The following CFAP299 variants were observed in gnomAD, a reference collection of about 807,000 sequenced individuals.
The protein encoded by CFAP299 is cilia- and flagella-associated protein 299.
In CFAP299, 21 loss-of-function variants were observed where a neutral mutation model predicts 27.0. That is an observed-to-expected ratio of 0.78 (90% CI 0.55 to 1.12). The LOEUF (loss-of-function observed/expected upper bound fraction) is 1.12. Ranked by LOEUF, CFAP299 falls within the 50% of genes most tolerant of loss-of-function variation. CFAP299 has a pLI of 0.00. For missense variants in CFAP299, 310 were observed against 276.6 expected, an observed-to-expected ratio of 1.12 and a Z score of -0.86; for synonymous variants, 104 against 98.1, an observed-to-expected ratio of 1.06 and a Z score of -0.36.
At chr4:80,801,041 G>A (rs1203869779) in intron 3 of CFAP299, among the ~76,000 whole-genome samples, 2 of 151,622 alleles carry the variant, frequency 1.3e-5, no homozygotes, top group African/African-American at 4.8e-5. Flanking sequence ...TGCCCACCCA[G>A]ATTAAGGGTG....
chr4:80,588,913 G>A (rs1198616361), intron 3 of CFAP299, among the ~76,000 whole-genome samples: 1 of 152,046 alleles, frequency 6.6e-6, no homozygotes, highest in Non-Finnish European at 1.5e-5. Flanking sequence ...GAATTTTGAG[G>A]CACGAAGAGG....
At chr4:80,535,595 G>A (rs1383101042) in intron 2 of CFAP299, among the ~76,000 whole-genome samples, 3 of 150,756 alleles carry the variant, frequency 2.0e-5, no homozygotes, top group Non-Finnish European at 4.4e-5. Flanking sequence ...ATTGGTGAAC[G>A]TTTAGTGGAG....
At chr4:80,590,085 A>T (rs1736647602) in intron 3 of CFAP299, among the ~76,000 whole-genome samples, 1 of 152,118 alleles carries the variant, frequency 6.6e-6, no homozygotes, top group Non-Finnish European at 1.5e-5. Flanking sequence ...TTACAATGGG[A>T]TATTATACAG....
chr4:80,426,078 TGACCACCAAAGACAGCCTAATA>T (rs1199771691), intron 2 of CFAP299, among the ~76,000 whole-genome samples: 1 of 151,734 alleles, frequency 6.6e-6, no homozygotes, highest in Non-Finnish European at 1.5e-5. Flanking sequence ...TTAATAAAAT[TGACCACCAAAGACAGCCTAATA>T]GAGTTACCAG....
chr4:80,423,532 T>A (rs573297263), intron 2 of CFAP299, among the ~76,000 whole-genome samples: 1 of 152,292 alleles, frequency 6.6e-6, no homozygotes, highest in Admixed American at 6.5e-5. Context: ...CTCAACTGTG[T>A]GGGCTCCAGA....
intron 4 of CFAP299, among the ~76,000 whole-genome samples, chr4:80,931,822 G>A (rs904055203): frequency 1.3e-5 from 2 of 152,058 alleles, no homozygotes; most frequent in Non-Finnish European, 2.9e-5. Flanking sequence ...CACACATAGT[G>A]AAGTAAGCCA....
intron 2 of CFAP299, among the ~76,000 whole-genome samples, chr4:80,545,123 A>G (rs946774107): frequency 6.6e-6 from 1 of 152,224 alleles, no homozygotes; most frequent in Non-Finnish European, 1.5e-5. Context: ...TAAGAAAATT[A>G]ACACAGAAAT....
At chr4:80,854,943 A>G (rs1731757753) in intron 3 of CFAP299, among the ~76,000 whole-genome samples, 1 of 152,024 alleles carries the variant, frequency 6.6e-6, no homozygotes, top group Admixed American at 6.6e-5. Context: ...TTCTGATGCT[A>G]CACTGTGGAA....
intron 4 of CFAP299, among the ~76,000 whole-genome samples, chr4:80,904,525 A>G (rs1050821716): frequency 6.7e-6 from 1 of 149,848 alleles, no homozygotes; most frequent in Non-Finnish European, 1.5e-5. Flanking sequence ...TTTCCTCTTT[A>G]TTTTTTTTTC....
chr4:80,418,026 G>A (rs1489106024), intron 2 of CFAP299, among the ~76,000 whole-genome samples: 1 of 152,118 alleles, frequency 6.6e-6, no homozygotes, highest in East Asian at 1.9e-4. Flanking sequence ...TATATTATTT[G>A]TAAATCACAC....
intron 3 of CFAP299, among the ~76,000 whole-genome samples, chr4:80,642,131 T>C (rs576726578): frequency 6.6e-6 from 1 of 152,320 alleles, no homozygotes; most frequent in Admixed American, 6.5e-5. Flanking sequence ...CATTTATCAA[T>C]TGCAAAATAC....
intron 2 of CFAP299, among the ~76,000 whole-genome samples, chr4:80,421,569 A>G (rs2110070172): frequency 6.6e-6 from 1 of 152,344 alleles, no homozygotes; most frequent in Non-Finnish European, 1.5e-5. Flanking sequence ...TTACTTAGTT[A>G]AAATGTTTAC....
chr4:80,406,542 T>C (rs1726431637), intron 2 of CFAP299, among the ~76,000 whole-genome samples: 1 of 152,096 alleles, frequency 6.6e-6, no homozygotes, highest in African/African-American at 2.4e-5. Context: ...TTTTGTTTAC[T>C]TTTTTTAGAG....
intron 2 of CFAP299, among the ~76,000 whole-genome samples, chr4:80,493,291 C>T (rs886714469): frequency 5.9e-5 from 9 of 152,102 alleles, no homozygotes; most frequent in Non-Finnish European, 8.8e-5. Context: ...GCACACTCAC[C>T]GATGGTGGGT....
intron 3 of CFAP299, among the ~76,000 whole-genome samples, chr4:80,652,141 G>C (rs1240223683): frequency 6.6e-6 from 1 of 152,038 alleles, no homozygotes; most frequent in Non-Finnish European, 1.5e-5. Flanking sequence ...TTTTGCATTA[G>C]ATGTGACACT....
At chr4:80,798,801 T>G (rs1180827295) in intron 3 of CFAP299, among the ~76,000 whole-genome samples, 2 of 152,002 alleles carry the variant, frequency 1.3e-5, no homozygotes, top group Non-Finnish European at 2.9e-5. Flanking sequence ...ACGTTTTATG[T>G]ATAGAGTCAC....
intron 4 of CFAP299, among the ~76,000 whole-genome samples, chr4:80,884,048 T>C (rs1263823014): frequency 6.6e-6 from 1 of 152,186 alleles, no homozygotes; most frequent in Non-Finnish European, 1.5e-5. Flanking sequence ...CACTGGTGTG[T>C]GGTGTTCCCT....
chr4:80,721,442 C>A (rs540328297), intron 3 of CFAP299, among the ~76,000 whole-genome samples: 112 of 152,298 alleles, frequency 7.4e-4, no homozygotes, highest in African/African-American at 2.5e-3. Flanking sequence ...CATGTCTTAA[C>A]ATCATCTTCC....
chr4:80,713,189 GTTAATGTTAATGGATC>G (rs1483070424), intron 3 of CFAP299, among the ~76,000 whole-genome samples: 1 of 152,092 alleles, frequency 6.6e-6, no homozygotes, highest in Non-Finnish European at 1.5e-5. Context: ...CTCTCAGGAG[GTTAATGTTAATGGATC>G]TTAAAGTAAA....
Sources: gnomAD v4.1 joint callset for allele counts (sites outside exome capture counted in the v4.1 genomes callset) on GRCh38, gnomAD v4.1.1 for gene constraint, MANE v1.5 for transcripts, NCBI Gene and HGNC (gene_info 2026-07-23, HGNC 2026-07-21) for gene names.